The following RYR2 variants were observed in gnomAD, a reference collection of about 807,000 sequenced individuals.
The protein encoded by RYR2 is cardiac muscle ryanodine receptor-calcium release channel.
Under a neutral mutation model 601.1 loss-of-function variants are expected in RYR2, and 227 were observed. The observed-to-expected ratio is 0.38, with a 90% CI of 0.34 to 0.42. The LOEUF is 0.42. Ranked by LOEUF, RYR2 falls within the 10% of genes least tolerant of loss-of-function variation. The probability of loss-of-function intolerance (pLI) is 1.00; values close to 1 mark genes in which losing one functional copy is unlikely to be tolerated. For missense variants in RYR2, 4,646 were observed against 6,156.5 expected, an observed-to-expected ratio of 0.75 and a Z score of 8.21; for synonymous variants, 2,223 against 2,175.1, an observed-to-expected ratio of 1.02 and a Z score of -0.61.
rs1558426143 is a variant in RYR2, at chr1:237,792,408, T to TGC, written c.13782+86_13782+87insCG. ...GTGTGTGTGTGTGTGCGTGTGTGTGTGTGTGTGTGTGTGTGTTTTGCAGGC... is the reference window on the plus strand; with the variant it reads ...GTGTGTGTGTGTGTGCGTGTGTGTGTGCGTGTGTGTGTGTGTGTTTTGCAGGC... On this transcript the variant is annotated intron_variant, in intron 94 of 104. Transcript: ENST00000366574. The TGC allele has an allele frequency of 4.2e-6, 3 of 716,756 alleles. No homozygotes were observed. The South Asian group carries it at 7.2e-5, about 17-fold the overall frequency. 44.4% of individuals were successfully genotyped at this position (716,756 alleles called of 1,614,324 possible). A position where few individuals can be genotyped will look rare whatever the true frequency, so the allele number is the denominator to read the frequency against.
chr1:237,238,663 C>T (rs140636198), intron 1 of RYR2, among the ~76,000 whole-genome samples: 2 of 152,332 alleles, frequency 1.3e-5, no homozygotes, highest in Non-Finnish European at 2.9e-5. Context: ...GTAGCACCGT[C>T]AGGCAGACTG....
chr1:237,404,733 G>A (rs1364181349), intron 10 of RYR2, among the ~76,000 whole-genome samples: 4 of 152,134 alleles, frequency 2.6e-5, no homozygotes, highest in Admixed American at 6.5e-5. Context: ...TTGACTTTAC[G>A]TTAATTGAAA....
chr1:237,824,195 G>A (rs1662837474), intron 101 of RYR2, among the ~76,000 whole-genome samples: 1 of 152,122 alleles, frequency 6.6e-6, no homozygotes, highest in South Asian at 2.1e-4. Flanking sequence ...GAATCATCCT[G>A]ATACCAAAAC....
At chr1:237,237,938 T>TC (rs1304855428) in intron 1 of RYR2, among the ~76,000 whole-genome samples, 1 of 98,124 alleles carries the variant, frequency 1.0e-5, no homozygotes, top group African/African-American at 3.4e-5. Context: ...CTTTCCCCTT[T>TC]CCTTTCCCCT....
chr1:237,792,992 A>C (rs2149385577), intron 94 of RYR2, among the ~76,000 whole-genome samples: 1 of 152,322 alleles, frequency 6.6e-6, no homozygotes, highest in Admixed American at 6.5e-5. Flanking sequence ...GGAACAATAT[A>C]ATTTGGTGAA....
At chr1:237,756,227 C>A (rs887847237) in intron 80 of RYR2, 61 bp from the exon 81 acceptor site, 6 of 1,086,414 alleles carry the variant, frequency 5.5e-6, no homozygotes, top group South Asian at 2.5e-5. Context: ...AAAATATGGT[C>A]TGTAGAAATC....
chr1:237,406,614 C>G (rs1703933067), intron 10 of RYR2, among the ~76,000 whole-genome samples: 1 of 151,728 alleles, frequency 6.6e-6, no homozygotes, highest in Non-Finnish European at 1.5e-5. Context: ...GAAAAAATGC[C>G]CTAAAAACTA....
intron 1 of RYR2, among the ~76,000 whole-genome samples, chr1:237,118,810 T>C (rs1368762068): frequency 6.6e-6 from 1 of 152,144 alleles, no homozygotes; most frequent in African/African-American, 2.4e-5. Flanking sequence ...GATTTTCCTA[T>C]TCTCCTTATT....
At chr1:237,051,719 C>T (rs1389682696) in intron 1 of RYR2, among the ~76,000 whole-genome samples, 1 of 152,086 alleles carries the variant, frequency 6.6e-6, no homozygotes, top group Non-Finnish European at 1.5e-5. Context: ...CTCATGAAAT[C>T]CCTAGAAAAT....
At chr1:237,319,725 A>G (rs911202864) in intron 2 of RYR2, among the ~76,000 whole-genome samples, 2 of 152,326 alleles carry the variant, frequency 1.3e-5, no homozygotes, top group Non-Finnish European at 2.9e-5. Context: ...AAGGAAATGT[A>G]TAAGAAGTTC....
At chr1:237,789,189 G>T (rs1658040726) in intron 92 of RYR2, among the ~76,000 whole-genome samples, 1 of 151,954 alleles carries the variant, frequency 6.6e-6, no homozygotes. Context: ...AAAGCCATTT[G>T]AACAGCAGAG....
At chr1:237,568,771 G>A (rs1358596318) in intron 28 of RYR2, among the ~76,000 whole-genome samples, 1 of 152,068 alleles carries the variant, frequency 6.6e-6, no homozygotes, top group Non-Finnish European at 1.5e-5. Flanking sequence ...TGGGAGTAGA[G>A]AAAAACAAAC....
intron 98 of RYR2, among the ~76,000 whole-genome samples, chr1:237,805,791 T>G (rs905085388): frequency 1.3e-5 from 2 of 152,112 alleles, no homozygotes; most frequent in Non-Finnish European, 2.9e-5. Flanking sequence ...TTCTTTGTGT[T>G]GGGAACATTT....
In RYR2 at chr1:237,238,677, G is replaced by A. The variant is rs370496476; in HGVS notation, c.49-31820G>A. 5.8e-4 allele frequency among the ~76,000 whole-genome samples: 88 copies of A among 152,310 alleles called. 1 individual carries two copies. Among genetic ancestry groups the A allele is most frequent in the African/African-American group, 1.7e-3 (71 of 41,560 alleles). On this transcript the variant is annotated intron_variant, in intron 1 of 104. Transcript: ENST00000366574. Reference sequence around the variant, plus strand: ...TGTAGCACCGTCAGGCAGACTGGTCGTACTGGAGTTCTCTTCTTTTGATCT... The same window carrying A: ...TGTAGCACCGTCAGGCAGACTGGTCATACTGGAGTTCTCTTCTTTTGATCT...
chr1:237,676,683 TG>T (rs897753850), intron 60 of RYR2, among the ~76,000 whole-genome samples: 25 of 152,188 alleles, frequency 1.6e-4, no homozygotes, highest in Admixed American at 5.9e-4. Flanking sequence ...TCCTTCACTT[TG>T]GAGATTTTGC....
chr1:237,445,711 GA>G (rs1453989515), intron 14 of RYR2, among the ~76,000 whole-genome samples, 189 bp downstream of exon 14: 1 of 152,144 alleles, frequency 6.6e-6, no homozygotes, highest in African/African-American at 2.4e-5. Flanking sequence ...CTTTTAAAAA[GA>G]ATATGGTTTT....
intron 2 of RYR2, among the ~76,000 whole-genome samples, chr1:237,275,683 A>G (rs1013631534): frequency 6.6e-6 from 1 of 152,218 alleles, no homozygotes; most frequent in Non-Finnish European, 1.5e-5. Context: ...AGCATAATCA[A>G]TAAGGTTGAC....
chr1:237,729,845 C>T (rs1352772755), intron 76 of RYR2, among the ~76,000 whole-genome samples: 1 of 152,092 alleles, frequency 6.6e-6, no homozygotes, highest in Non-Finnish European at 1.5e-5. Flanking sequence ...AGACTAAGTC[C>T]TCTATTGACA....
chr1:237,744,252 TTA>T (rs1691863332), intron 80 of RYR2, among the ~76,000 whole-genome samples: 1 of 152,138 alleles, frequency 6.6e-6, no homozygotes, highest in Non-Finnish European at 1.5e-5. Context: ...CTTGTTAAGC[TTA>T]TGTTTTATTT....
Sources: gnomAD v4.1 joint callset for allele counts (sites outside exome capture counted in the v4.1 genomes callset) on GRCh38, gnomAD v4.1.1 for gene constraint, MANE v1.5 for transcripts, NCBI Gene and HGNC (gene_info 2026-07-23, HGNC 2026-07-21) for gene names.